PCDH9: variants seen among roughly 807,000 people sequenced by gnomAD.
PCDH9 encodes protocadherin-9.
A neutral mutation model predicts 70.6 loss-of-function variants in PCDH9; 24 were observed. The ratio of observed to expected loss-of-function variants is 0.34; its 90% CI spans 0.25 to 0.48. PCDH9 has a LOEUF of 0.48. Ranked by LOEUF, PCDH9 falls within the 20% of genes least tolerant of loss-of-function variation. The pLI is 0.99. For synonymous variants in PCDH9, 562 were observed against 558.5 expected (o/e 1.01, Z -0.09); for missense variants, 1,281 against 1,503.6 (o/e 0.85, Z 2.45).
intron 3 of PCDH9, among the ~76,000 whole-genome samples, chr13:66,775,418 A>G (rs2079875019): frequency 6.6e-6 from 1 of 152,162 alleles, no homozygotes; most frequent in South Asian, 2.1e-4. Flanking sequence ...CCTGGATTCA[A>G]GGATGCTTGG....
intron 3 of PCDH9, among the ~76,000 whole-genome samples, chr13:66,673,076 G>C (rs1386818955): frequency 6.6e-6 from 1 of 152,066 alleles, no homozygotes; most frequent in Non-Finnish European, 1.5e-5. Flanking sequence ...GATTTGGAAG[G>C]GGCCAGGGCA....
intron 3 of PCDH9, among the ~76,000 whole-genome samples, chr13:66,779,873 A>ATGTGTGTGTG (rs35090227): frequency 0.017 from 2,007 of 115,824 alleles, 60 homozygotes; most frequent in African/African-American, 0.055. Context: ...ATATACATAT[A>ATGTGTGTGTG]TGTGTGTGTG....
intron 2 of PCDH9, among the ~76,000 whole-genome samples, chr13:67,180,355 A>G (rs935735945): frequency 6.6e-6 from 1 of 151,980 alleles, no homozygotes. Context: ...TTTTACAGTT[A>G]CACCATTTTA....
intron 2 of PCDH9, among the ~76,000 whole-genome samples, chr13:67,189,764 G>T (rs995640904): frequency 1.1e-4 from 16 of 151,928 alleles, no homozygotes; most frequent in African/African-American, 3.9e-4. Context: ...GAAGGAGAAA[G>T]CCATTTGACA....
At chr13:66,608,857 G>C (rs923461631) in intron 4 of PCDH9, among the ~76,000 whole-genome samples, 4 of 152,162 alleles carry the variant, frequency 2.6e-5, no homozygotes, top group Admixed American at 6.5e-5. Context: ...TGAATTGTAA[G>C]AAGAAAAATG....
intron 2 of PCDH9, among the ~76,000 whole-genome samples, chr13:67,011,689 CTAACAGAT>C (rs1225874938): frequency 3.9e-5 from 6 of 151,958 alleles, no homozygotes; most frequent in African/African-American, 1.4e-4. Flanking sequence ...CATAACAGTA[CTAACAGAT>C]TAAATAACCT....
At position 67,059,367 on chromosome 13, in the gene PCDH9, T is replaced by C. The variant is rs1019364336; in HGVS notation, c.3037-155762A>G. ...ATATATATATATTATATATATATAG[T>C]GTGTATATATATATATAGTATATAG... is the stretch of plus-strand genomic sequence containing the variant. On this transcript the variant is annotated intron_variant, in intron 2 of 4. Transcript: ENST00000377865. Among the ~76,000 whole-genome samples the C allele has an allele frequency of 1.2e-3, 141 of 121,808 alleles. 1 individual carries two copies. The highest frequency in any genetic ancestry group is 1.7e-3 in the Non-Finnish European group (97 of 56,842). 79.9% of individuals were successfully genotyped at this position (121,808 alleles called of 152,430 possible).
At chr13:66,475,042 AGAT>A (rs951687625) in intron 4 of PCDH9, among the ~76,000 whole-genome samples, 2 of 152,120 alleles carry the variant, frequency 1.3e-5, no homozygotes, top group African/African-American at 4.8e-5. Context: ...CAATCCAATT[AGAT>A]GATGTATAAG....
intron 2 of PCDH9, among the ~76,000 whole-genome samples, chr13:67,149,598 G>A (rs1177764027): frequency 1.3e-5 from 2 of 151,880 alleles, no homozygotes; most frequent in Non-Finnish European, 2.9e-5. Flanking sequence ...TACTGCTAAT[G>A]GTCACGAATT....
At chr13:66,829,906 T>C (rs927706865) in intron 3 of PCDH9, among the ~76,000 whole-genome samples, 3 of 151,958 alleles carry the variant, frequency 2.0e-5, no homozygotes, top group Non-Finnish European at 4.4e-5. Context: ...CATTTGACCC[T>C]AAGGCTAACA....
At chr13:67,051,619 C>T (rs1310114814) in intron 2 of PCDH9, among the ~76,000 whole-genome samples, 1 of 151,864 alleles carries the variant, frequency 6.6e-6, no homozygotes, top group Non-Finnish European at 1.5e-5. Flanking sequence ...TCTCAAACTC[C>T]TGACCTCATG....
intron 3 of PCDH9, among the ~76,000 whole-genome samples, chr13:66,771,441 G>A (rs562899692): frequency 1.3e-5 from 2 of 152,112 alleles, no homozygotes; most frequent in South Asian, 4.1e-4. Context: ...AGTTTGCCAT[G>A]GTTCCTGCCC....
chr13:66,704,466 C>A (rs1250209772), intron 3 of PCDH9, among the ~76,000 whole-genome samples: 2 of 151,832 alleles, frequency 1.3e-5, no homozygotes, highest in Non-Finnish European at 2.9e-5. Flanking sequence ...TAAATAAAAG[C>A]AAATTTAGTT....
intron 2 of PCDH9, among the ~76,000 whole-genome samples, chr13:67,007,003 A>G (rs1007519036): frequency 6.6e-6 from 1 of 152,180 alleles, no homozygotes; most frequent in Admixed American, 6.5e-5. Context: ...TTGTCCTCCA[A>G]TGTCAACATC....
intron 3 of PCDH9, among the ~76,000 whole-genome samples, chr13:66,717,498 TA>T: frequency 7.8e-6 from 1 of 128,828 alleles, no homozygotes; most frequent in African/African-American, 3.0e-5. Context: ...TATATATATA[TA>T]TATATATATG....
At chr13:66,724,730 G>A (rs1378319951) in intron 3 of PCDH9, among the ~76,000 whole-genome samples, 1 of 152,022 alleles carries the variant, frequency 6.6e-6, no homozygotes, top group East Asian at 1.9e-4. Flanking sequence ...CACATAAGAT[G>A]CTTCACTTCT....
At chr13:66,312,717 G>T (rs556818175) in intron 4 of PCDH9, among the ~76,000 whole-genome samples, 3 of 152,088 alleles carry the variant, frequency 2.0e-5, no homozygotes, top group Admixed American at 1.3e-4. Context: ...AAATCTAGTG[G>T]TTCTATCAGA....
At chr13:66,900,237 T>C (rs1251277752) in intron 3 of PCDH9, among the ~76,000 whole-genome samples, 2 of 152,020 alleles carry the variant, frequency 1.3e-5, no homozygotes, top group Middle Eastern at 3.4e-3. Flanking sequence ...TGTGTGCATT[T>C]GAGCAAATTA....
chr13:67,224,731 T>C, intron 2 of PCDH9: 2 of 157,652 alleles, frequency 1.3e-5, no homozygotes, highest in East Asian at 3.3e-4. Flanking sequence ...GCAAGCATTC[T>C]TTTTTTTTTT....
Sources: allele counts gnomAD v4.1 joint callset (sites outside exome capture counted in the v4.1 genomes callset), GRCh38; gene constraint gnomAD v4.1.1; transcripts MANE v1.5; gene names NCBI Gene and HGNC (gene_info 2026-07-23, HGNC 2026-07-21).